Variants in GLT8D2 observed in about 807,000 individuals in gnomAD.
The protein encoded by GLT8D2 is glycosyltransferase 8 domain-containing protein 2.
GLT8D2 carries 45 observed loss-of-function variants against 44.5 expected under a neutral mutation model. That is an observed-to-expected ratio of 1.01 (90% CI 0.80 to 1.30). The LOEUF (loss-of-function observed/expected upper bound fraction) is 1.30, where lower values mean the gene tolerates loss of function less well. GLT8D2 is among the 50% of genes most tolerant of loss of function. The probability of loss-of-function intolerance (pLI) is 0.00; values close to 1 mark genes in which losing one functional copy is unlikely to be tolerated. For missense variants in GLT8D2, 400 were observed against 430.4 expected (o/e 0.93, Z 0.62); for synonymous variants, 156 against 157.2 (o/e 0.99, Z 0.06).
At chr12:104,033,765 T>C (rs1307659605) in intron 1 of GLT8D2, among the ~76,000 whole-genome samples, 1 of 148,714 alleles carries the variant, frequency 6.7e-6, no homozygotes, top group Non-Finnish European at 1.5e-5. Flanking sequence ...CTTGAAAATA[T>C]ATATATATGT....
intron 7 of GLT8D2, among the ~76,000 whole-genome samples, chr12:103,997,228 C>T (rs1245031360): frequency 6.6e-6 from 1 of 152,176 alleles, no homozygotes; most frequent in Non-Finnish European, 1.5e-5. Context: ...GGCTACCAAG[C>T]TATTTATTGC....
At chr12:104,048,344 C>T (rs1167097367) in intron 1 of GLT8D2, among the ~76,000 whole-genome samples, 2 of 152,226 alleles carry the variant, frequency 1.3e-5, no homozygotes, top group African/African-American at 4.8e-5. Flanking sequence ...GATTTCTCTA[C>T]TACAGGACTT....
intron 1 of GLT8D2, among the ~76,000 whole-genome samples, chr12:104,030,509 A>G (rs1879115773): frequency 6.6e-6 from 1 of 152,158 alleles, no homozygotes; most frequent in Admixed American, 6.5e-5. Context: ...CACCAAAAGC[A>G]CAGTTAACAA....
chr12:104,027,486 T>C (rs1443567016), intron 1 of GLT8D2, among the ~76,000 whole-genome samples: 1 of 152,222 alleles, frequency 6.6e-6, no homozygotes, highest in Non-Finnish European at 1.5e-5. Flanking sequence ...ACCAGTAACT[T>C]CACAATTTTT....
intron 1 of GLT8D2, among the ~76,000 whole-genome samples, chr12:104,042,579 G>A (rs188084059): frequency 9.9e-5 from 15 of 152,284 alleles, no homozygotes; most frequent in Admixed American, 7.8e-4. Context: ...AGGGATCAGA[G>A]TTATAAAGAG....
intron 1 of GLT8D2, among the ~76,000 whole-genome samples, chr12:104,059,057 T>C (rs1882415327): frequency 6.6e-6 from 1 of 152,226 alleles, no homozygotes; most frequent in Non-Finnish European, 1.5e-5. Context: ...ACTCAGGATG[T>C]TACACAATTT....
At chr12:104,028,859 C>A (rs896540827) in intron 1 of GLT8D2, among the ~76,000 whole-genome samples, 2 of 151,918 alleles carry the variant, frequency 1.3e-5, no homozygotes, top group East Asian at 3.9e-4. Context: ...TCATGGATAA[C>A]GTCATGGTCA....
intron 1 of GLT8D2, among the ~76,000 whole-genome samples, chr12:104,047,017 CAG>C (rs1881224347): frequency 6.6e-6 from 1 of 151,994 alleles, no homozygotes; most frequent in Non-Finnish European, 1.5e-5. Flanking sequence ...TTTGTAGAGA[CAG>C]AGTCTTGCTA....
At chr12:104,011,611 T>C (rs1262387217) in intron 4 of GLT8D2, among the ~76,000 whole-genome samples, 1 of 152,204 alleles carries the variant, frequency 6.6e-6, no homozygotes, top group Non-Finnish European at 1.5e-5. Context: ...AATACCGCCA[T>C]GTTTTACTTG....
At position 103,994,480 on chromosome 12, in the gene GLT8D2, C is replaced by T; in HGVS notation, c.622G>A (p.Asp208Asn). ...TCCTTGATGGCCTTCTTCCGGTAGT[C>T]CAGATAGCCCATATATGTGTTCTGT... Reference protein sequence around the residue: ...GLQNTYMGYLDYRKKAIKDLG... With the variant: ...GLQNTYMGYLNYRKKAIKDLG... Residue 208 changes from aspartate (D) to asparagine (N), a missense_variant, in exon 9 of 11, where the codon GAC (aspartate) becomes AAC (asparagine). Coordinates refer to ENST00000360814, the MANE Select transcript of GLT8D2 (RefSeq NM_001384711.1). The T allele has an allele frequency of 6.2e-7, 1 of 1,613,682 alleles. No homozygotes were observed. Among genetic ancestry groups the T allele is most frequent in the Non-Finnish European group, 8.5e-7 (1 of 1,179,822 alleles).
Position 103,989,495 on chromosome 12 carries a change from C to G in GLT8D2, c.963G>C (p.Trp321Cys), listed in dbSNP as rs772666198. Residue 321 changes from tryptophan (W) to cysteine (C), a missense_variant, in exon 11 of 11, where the codon TGG (tryptophan) becomes TGC (cysteine). Transcript: ENST00000360814. ...LLHWNGRHKPWDFPSVHNDLW... is the reference protein window; with the variant it reads ...LLHWNGRHKPCDFPSVHNDLW... ...AGTCGTTGTGAACACTAGGGAAGTC[C>G]CAAGGTTTATGTCTTCCATTCCAGT... 3 of 1,613,492 alleles carry G rather than the reference C, an allele frequency of 1.9e-6. No individual in the cohort carries two copies. The highest frequency in any genetic ancestry group is 1.7e-6 in the Non-Finnish European group (2 of 1,179,584).
chr12:104,034,778 AAG>A (rs1879742529), intron 1 of GLT8D2, among the ~76,000 whole-genome samples: 1 of 152,224 alleles, frequency 6.6e-6, no homozygotes, highest in African/African-American at 2.4e-5. Context: ...GACAGCTCTG[AAG>A]AGAGCAGTGG....
rs528660785 is a variant in GLT8D2 at position 104,060,639 on chromosome 12, G to A, written c.-423+3310C>T. ...TAGTGAATTTATAATAAGAGGAGAA[G>A]AGGCTGGGCGCAGTGGCTCACATCT... On this transcript the variant is annotated intron_variant, in intron 1 of 10. Transcript: ENST00000548660. Among the ~76,000 whole-genome samples, 80 of 152,286 alleles carry A rather than the reference G, an allele frequency of 5.3e-4. No individual in the cohort carries two copies. In the South Asian group the frequency reaches 0.017, roughly 32 times the overall value.
chr12:104,043,564 T>A (rs1158440981), intron 1 of GLT8D2, among the ~76,000 whole-genome samples: 2 of 152,184 alleles, frequency 1.3e-5, no homozygotes, highest in Non-Finnish European at 2.9e-5. Context: ...CCTCCTGGGT[T>A]AGAGCAATTC....
At chr12:104,025,750 G>T (rs1056037680) in intron 1 of GLT8D2, among the ~76,000 whole-genome samples, 7 of 152,116 alleles carry the variant, frequency 4.6e-5, no homozygotes, top group African/African-American at 1.7e-4. Context: ...GAGACCATTT[G>T]TTATTCCTTC....
intron 1 of GLT8D2, among the ~76,000 whole-genome samples, chr12:104,062,831 AT>A (rs1414788281): frequency 2.0e-5 from 3 of 152,184 alleles, no homozygotes. Context: ...AAGATATACA[AT>A]ATGAAGTTGA....
chr12:103,992,173 CCTCTATGCTAGG>C (rs1872819525), intron 10 of GLT8D2, among the ~76,000 whole-genome samples: 1 of 152,184 alleles, frequency 6.6e-6, no homozygotes, highest in African/African-American at 2.4e-5. Flanking sequence ...GTGAATGTGT[CCTCTATGCTAGG>C]CTCTATGCTA....
chr12:104,032,965 C>T (rs578030815), intron 1 of GLT8D2, among the ~76,000 whole-genome samples: 38 of 151,898 alleles, frequency 2.5e-4, no homozygotes, highest in African/African-American at 8.9e-4. Context: ...CTGCAACCTC[C>T]GCTTCCGGGG....
intron 1 of GLT8D2, among the ~76,000 whole-genome samples, chr12:104,062,081 G>C (rs1421259439): frequency 6.6e-6 from 1 of 151,474 alleles, no homozygotes; most frequent in Non-Finnish European, 1.5e-5. Context: ...TTGTTTGTTT[G>C]TTTGTTTTTT....
Sources: gnomAD v4.1 joint callset for allele counts (sites outside exome capture counted in the v4.1 genomes callset) on GRCh38, gnomAD v4.1.1 for gene constraint, MANE v1.5 for transcripts, NCBI Gene and HGNC (gene_info 2026-07-23, HGNC 2026-07-21) for gene names.